Variants in MALRD1 observed in about 807,000 individuals in gnomAD.
The protein encoded by MALRD1 is MAM and LDL-receptor class A domain-containing protein 1.
Under a neutral mutation model 242.1 loss-of-function variants are expected in MALRD1, and 247 were observed. The ratio of observed to expected loss-of-function variants is 1.02; its 90% CI spans 0.92 to 1.13. The LOEUF is 1.13. Among genes scored for constraint, MALRD1 ranks in the 50% most tolerant of loss-of-function variants. The pLI, the probability that MALRD1 is intolerant of heterozygous loss-of-function variation, is 0.00. For synonymous variants in MALRD1, 995 were observed against 866.6 expected, an observed-to-expected ratio of 1.15 and a Z score of -2.60; for missense variants, 2,989 against 2,533.1, an observed-to-expected ratio of 1.18 and a Z score of -3.86.
intron 33 of MALRD1, among the ~76,000 whole-genome samples, chr10:19,570,000 CTGAT>C (rs1296105764): frequency 1.3e-5 from 2 of 151,790 alleles, no homozygotes; most frequent in Non-Finnish European, 2.9e-5. Flanking sequence ...ACAATGAAAA[CTGAT>C]TGTGTGAACA....
At chr10:19,352,745 G>A (rs574635641) in intron 26 of MALRD1, among the ~76,000 whole-genome samples, 1 of 152,234 alleles carries the variant, frequency 6.6e-6, no homozygotes, top group Non-Finnish European at 1.5e-5. Flanking sequence ...TTGAAACAAA[G>A]CAGATGATTA....
intron 32 of MALRD1, among the ~76,000 whole-genome samples, chr10:19,559,524 T>A (rs1295404909): frequency 6.6e-6 from 1 of 152,186 alleles, no homozygotes; most frequent in Non-Finnish European, 1.5e-5. Context: ...TCTTGGAACT[T>A]CGTTGACCTT....
intron 33 of MALRD1, among the ~76,000 whole-genome samples, chr10:19,586,861 C>T (rs1414424761): frequency 9.2e-5 from 14 of 152,156 alleles, no homozygotes; most frequent in South Asian, 4.1e-4. Context: ...CAGACTGCTG[C>T]GTTAGCAATC....
chr10:19,063,621 A>AT (rs199749754), intron 1 of MALRD1, among the ~76,000 whole-genome samples: 16,517 of 152,036 alleles, frequency 0.11, 1,261 homozygotes, highest in East Asian at 0.31. Flanking sequence ...TGAACTCATC[A>AT]TTTTTTATGG....
Position 19,372,091 on chromosome 10 carries a change from G to A in MALRD1, c.4442-15437G>A, listed in dbSNP as rs187323598. Among the ~76,000 whole-genome samples, 401 of 152,082 alleles carry A rather than the reference G, an allele frequency of 2.6e-3. 5 individuals carry two copies. Among genetic ancestry groups the A allele is most frequent in the Non-Finnish European group, 7.8e-4 (53 of 67,994 alleles). ...TTCTGTAACTCAGTTATACAATTAC[G>A]TTAAATAAAAATAGGAAATAATTAA... On this transcript the variant is annotated intron_variant, in intron 26 of 39. Transcript: ENST00000454679.
At chr10:19,340,169 C>T (rs573235045) in intron 24 of MALRD1, among the ~76,000 whole-genome samples, 8 of 152,170 alleles carry the variant, frequency 5.3e-5, no homozygotes, top group Middle Eastern at 3.4e-3. Context: ...TCTATGTTTA[C>T]GGGTTACATA....
chr10:19,539,897 T>TGTGTGCGCGCGC (rs1365113182), intron 32 of MALRD1, among the ~76,000 whole-genome samples: 1 of 44,416 alleles, frequency 2.3e-5, no homozygotes, highest in East Asian at 7.8e-4. Flanking sequence ...TGTGTGTGTG[T>TGTGTGCGCGCGC]GCGCGCGCGC....
chr10:19,729,458 A>G (rs1659564616), intron 38 of MALRD1, among the ~76,000 whole-genome samples: 1 of 152,078 alleles, frequency 6.6e-6, no homozygotes, highest in Non-Finnish European at 1.5e-5. Flanking sequence ...TACTCGTGTC[A>G]TTAAGCTCTT....
intron 33 of MALRD1, among the ~76,000 whole-genome samples, chr10:19,593,799 C>T (rs1837937741): frequency 1.3e-5 from 2 of 152,284 alleles, no homozygotes; most frequent in East Asian, 1.9e-4. Context: ...ATTACACTAG[C>T]ATTGAGTCTT....
intron 26 of MALRD1, among the ~76,000 whole-genome samples, chr10:19,375,528 C>T (rs953820182): frequency 6.6e-6 from 1 of 152,106 alleles, no homozygotes; most frequent in Admixed American, 6.6e-5. Context: ...GATAAGGACA[C>T]ACATCCTCAC....
intron 1 of MALRD1, among the ~76,000 whole-genome samples, chr10:19,060,941 A>T (rs749484865): frequency 6.6e-5 from 10 of 152,204 alleles, no homozygotes; most frequent in Non-Finnish European, 8.8e-5. Flanking sequence ...TGTAGCCATA[A>T]AAAGGAATGT....
intron 28 of MALRD1, among the ~76,000 whole-genome samples, chr10:19,422,324 AAACAAT>A (rs1166770737): frequency 2.0e-5 from 3 of 152,188 alleles, no homozygotes; most frequent in Non-Finnish European, 4.4e-5. Flanking sequence ...ATTTCAAACA[AAACAAT>A]AACAAAGCTA....
chr10:19,323,144 G>T (rs766683735), intron 21 of MALRD1, among the ~76,000 whole-genome samples: 21 of 152,062 alleles, frequency 1.4e-4, no homozygotes, highest in Non-Finnish European at 2.8e-4. Flanking sequence ...ACTAAAATGT[G>T]TTGAAGTGAA....
chr10:19,306,824 A>T (rs1033482738), intron 21 of MALRD1, among the ~76,000 whole-genome samples: 1 of 151,286 alleles, frequency 6.6e-6, no homozygotes, highest in African/African-American at 2.4e-5. Context: ...AAAAGGGGGA[A>T]ATGCCCCTTA....
chr10:19,541,156 A>T (rs117512098), intron 32 of MALRD1, among the ~76,000 whole-genome samples: 2 of 152,218 alleles, frequency 1.3e-5, no homozygotes, highest in Non-Finnish European at 2.9e-5. Context: ...TTTTCAAAGT[A>T]TATTTTAACT....
rs903747318 is a variant in MALRD1, at chr10:19,579,147, A to T, written c.5680+11444A>T. Among the ~76,000 whole-genome samples, 5 of 152,232 alleles carry T rather than the reference A, an allele frequency of 3.3e-5. No individual in the cohort carries two copies. The South Asian group carries it at 6.2e-4, about 19-fold the overall frequency. ...TTTGTCTTTGTCTTCAGTGCTGATC[A>T]CTGTTAACTGGAAGTTATGGTATCA... On this transcript the variant is annotated intron_variant, in intron 33 of 39. Transcript: ENST00000454679.
At chr10:19,341,281 G>A (rs894381527) in intron 24 of MALRD1, among the ~76,000 whole-genome samples, 1 of 151,582 alleles carries the variant, frequency 6.6e-6, no homozygotes, top group African/African-American at 2.4e-5. Context: ...CATTCATTCA[G>A]CAAGTGTTTA....
chr10:19,302,578 T>G (rs928448292), intron 21 of MALRD1, among the ~76,000 whole-genome samples: 1 of 151,714 alleles, frequency 6.6e-6, no homozygotes, highest in East Asian at 2.0e-4. Flanking sequence ...ATTTCCAGAT[T>G]GGGCAAATCT....
rs145675785 is a variant in MALRD1, at chr10:19,502,305, G to A, written c.5320+3659G>A. On this transcript the variant is annotated intron_variant, in intron 31 of 39. Coordinates refer to ENST00000454679, the MANE Select transcript of MALRD1 (RefSeq NM_001142308.3). ...AAAAAACTTTTCTAGTAAACTCAGAGTAATGTTAAAGCCATCGATAAGCCT... is the reference window on the plus strand; with the variant it reads ...AAAAAACTTTTCTAGTAAACTCAGAATAATGTTAAAGCCATCGATAAGCCT... Among the ~76,000 whole-genome samples, 242 of 152,046 alleles carry A rather than the reference G, an allele frequency of 1.6e-3. 1 individual carries two copies. Among genetic ancestry groups the A allele is most frequent in the African/African-American group, 5.5e-3 (230 of 41,504 alleles).
Sources: gnomAD v4.1 joint callset for allele counts (sites outside exome capture counted in the v4.1 genomes callset) on GRCh38, gnomAD v4.1.1 for gene constraint, MANE v1.5 for transcripts, NCBI Gene and HGNC (gene_info 2026-07-23, HGNC 2026-07-21) for gene names.